SMAD6: variants seen among roughly 807,000 people sequenced by gnomAD.
SMAD6 encodes MAD homolog 6.
SMAD6 carries 103 observed loss-of-function variants against 39.4 expected under a neutral mutation model. The observed-to-expected ratio is 2.62, with a 90% CI of 2.23 to 3.08. The LOEUF (loss-of-function observed/expected upper bound fraction) is 3.08, where lower values mean the gene tolerates loss of function less well. Among genes scored for constraint, SMAD6 ranks in the 30% most tolerant of loss-of-function variants. The pLI is 0.00. For synonymous variants in SMAD6, 445 were observed against 353.3 expected (o/e 1.26, Z -2.91); for missense variants, 1,104 against 742.9 (o/e 1.49, Z -5.65).
intron 3 of SMAD6, among the ~76,000 whole-genome samples, chr15:66,738,330 T>G (rs1237623198): frequency 6.6e-6 from 1 of 151,992 alleles, no homozygotes; most frequent in Non-Finnish European, 1.5e-5. Flanking sequence ...GTGCAGCGGG[T>G]GCATACTCCA....
chr15:66,741,158 C>G (rs1306304660), intron 3 of SMAD6: 1 of 152,246 alleles, frequency 6.6e-6, no homozygotes, highest in Non-Finnish European at 1.5e-5. Flanking sequence ...TCTTCTCTGG[C>G]CTTCTGGTTT....
At chr15:66,768,138 A>AT (rs1476719041) in intron 3 of SMAD6, among the ~76,000 whole-genome samples, 1 of 151,518 alleles carries the variant, frequency 6.6e-6, no homozygotes. Flanking sequence ...TGTCTGGATA[A>AT]TTTTTTATTT....
intron 3 of SMAD6, among the ~76,000 whole-genome samples, chr15:66,754,950 G>A (rs898408122): frequency 5.3e-5 from 8 of 152,130 alleles, no homozygotes; most frequent in Non-Finnish European, 1.0e-4. Context: ...CTGAGGGATA[G>A]GCTGCTTTAT....
Position 66,780,987 on chromosome 15 carries a change from T to C in SMAD6, c.953-10T>C. 1 of 1,552,628 alleles carries C rather than the reference T, an allele frequency of 6.4e-7. No individual in the cohort carries two copies. The highest frequency in any genetic ancestry group is 1.2e-5 in the South Asian group (1 of 85,870). On this transcript the variant is annotated splice_polypyrimidine_tract_variant and intron_variant, in intron 3 of 3. Coordinates refer to ENST00000288840, the MANE Select transcript of SMAD6 (RefSeq NM_005585.5). The stretch of plus-strand genomic sequence containing the variant: ...AGAATAACGCGGCGGTCCCTGTGCT[T>C]GTCCCGCAGACGCCAGCATGTCTCC...
At position 66,735,414 on chromosome 15, in the gene SMAD6, A is replaced by C. The variant is rs112607728; in HGVS notation, c.952+18916A>C. 6.4e-3 allele frequency among the ~76,000 whole-genome samples: 979 copies of C among 152,196 alleles called. 14 individuals are homozygous for C. The highest frequency in any genetic ancestry group is 0.022 in the African/African-American group (933 of 41,520). On this transcript the variant is annotated intron_variant, in intron 3 of 3. Coordinates refer to ENST00000288840, the MANE Select transcript of SMAD6 (RefSeq NM_005585.5). Reference sequence around the variant, plus strand: ...GATGCATCATGAAGGATGTAGGGGGAAATGATGTGAGGTCCTTCAGCCAAA... The same window carrying C: ...GATGCATCATGAAGGATGTAGGGGGCAATGATGTGAGGTCCTTCAGCCAAA...
At chr15:66,735,950 G>C (rs554273085) in intron 3 of SMAD6, among the ~76,000 whole-genome samples, 1 of 152,336 alleles carries the variant, frequency 6.6e-6, no homozygotes, top group East Asian at 1.9e-4. Flanking sequence ...CACGGTATCC[G>C]CGACATGGGT....
Position 66,703,929 on chromosome 15 carries a change from T to C in SMAD6, c.671T>C (p.Leu224Pro). 1 of 1,342,610 alleles carries C rather than the reference T, an allele frequency of 7.4e-7. No homozygotes were observed. 83.2% of individuals were successfully genotyped at this position (1,342,610 alleles called of 1,614,324 possible). A position where few individuals can be genotyped will look rare whatever the true frequency, so the allele number is the denominator to read the frequency against. Reference sequence around the variant, plus strand: ...GGCGGCCAGCCCGCGCCGCCGCAGCTGCTGCTCGGCCGCCTCTTTCGCTGG... The same window carrying C: ...GGCGGCCAGCCCGCGCCGCCGCAGCCGCTGCTCGGCCGCCTCTTTCGCTGG... ...RLGGQPAPPQ[L>P]LLGRLFRWPD... Residue 224 changes from leucine to proline, a missense_variant, in exon 1 of 4, where the codon CTG becomes CCG. Transcript: ENST00000288840.
At position 66,711,674 on chromosome 15, in the gene SMAD6, C is replaced by A. The variant is rs759668190; in HGVS notation, c.824C>A (p.Pro275Gln). The A allele has an allele frequency of 6.2e-7, 1 of 1,613,808 alleles. No individual in the cohort carries two copies. The highest frequency in any genetic ancestry group is 8.5e-7 in the Non-Finnish European group (1 of 1,179,714). Residue 275 changes from proline to glutamine, a missense_variant, in exon 2 of 4, where the codon CCG becomes CAG. Coordinates refer to ENST00000288840, the MANE Select transcript of SMAD6 (RefSeq NM_005585.5). ...HFSRLCGPES[P>Q]PPPYSRLSPR... ...GCTGTCTCCTGTCTTCCAGAATCTCCGCCACCTCCCTACTCTCGGCTGTCT... is the reference window on the plus strand; with the variant it reads ...GCTGTCTCCTGTCTTCCAGAATCTCAGCCACCTCCCTACTCTCGGCTGTCT...
At chr15:66,772,175 A>C (rs1294960149) in intron 3 of SMAD6, among the ~76,000 whole-genome samples, 1 of 152,218 alleles carries the variant, frequency 6.6e-6, no homozygotes, top group African/African-American at 2.4e-5. Context: ...CACAGGTTGC[A>C]GCCACAGGAG....
At chr15:66,709,216 A>G (rs1318979701) in intron 1 of SMAD6, among the ~76,000 whole-genome samples, 1 of 152,238 alleles carries the variant, frequency 6.6e-6, no homozygotes, top group Non-Finnish European at 1.5e-5. Flanking sequence ...TGCAGTTGTT[A>G]AACAGTTGTG....
At chr15:66,708,008 G>A (rs565031084) in intron 1 of SMAD6, 1 of 152,344 alleles carries the variant, frequency 6.6e-6, no homozygotes, top group Non-Finnish European at 1.5e-5. Flanking sequence ...CCAGAGGCAT[G>A]CCTGGGCTGA....
At position 66,781,386 on chromosome 15, in the gene SMAD6, C is replaced by A. The variant is rs1253022608; in HGVS notation, c.1342C>A (p.His448Asn). 1 of 1,601,938 alleles carries A rather than the reference C, an allele frequency of 6.2e-7. No individual in the cohort carries two copies. Among genetic ancestry groups the A allele is most frequent in the Non-Finnish European group, 8.5e-7 (1 of 1,177,644 alleles). ...CGACTTCGAGCGCTCGGGCCTGCAG[C>A]ACGCGCCCGAGCCCGACGCCGCCGA... ...VFDFERSGLQHAPEPDAADGP... is the reference protein window; with the variant it reads ...VFDFERSGLQNAPEPDAADGP... The change falls in exon 4 of 4, where the codon CAC becomes AAC. Residue 448 changes from histidine to asparagine, a missense_variant. Transcript: ENST00000288840.
intron 3 of SMAD6, among the ~76,000 whole-genome samples, chr15:66,749,978 G>T (rs955543766): frequency 6.6e-6 from 1 of 152,180 alleles, no homozygotes; most frequent in Non-Finnish European, 1.5e-5. Flanking sequence ...CCCTGGCGAG[G>T]TTTTGTCCTT....
rs767030095 is a variant in SMAD6, at chr15:66,781,560, G to C, written c.*25G>C. 2 of 1,459,338 alleles carry C rather than the reference G, an allele frequency of 1.4e-6. No individual in the cohort carries two copies. The highest frequency in any genetic ancestry group is 1.4e-5 in the South Asian group (1 of 72,242). The allele number at this position is 1,459,338 out of a possible 1,614,324, so 90.4% of individuals were successfully genotyped here. On this transcript the variant is annotated 3_prime_UTR_variant, in exon 4 of 4. Transcript: ENST00000288840. ...GTGGCGGCCCCGGCGGGAGGGGCGG[G>C]TGGGAGGCCGCGGCCACCGCCACCT...
intron 3 of SMAD6, among the ~76,000 whole-genome samples, chr15:66,753,777 C>A (rs1007994832): frequency 1.3e-5 from 2 of 152,158 alleles, no homozygotes; most frequent in Non-Finnish European, 2.9e-5. Flanking sequence ...CTTCATCACT[C>A]TTTTGGAGAT....
chr15:66,770,476 A>G (rs1345797789), intron 3 of SMAD6, among the ~76,000 whole-genome samples: 1 of 152,094 alleles, frequency 6.6e-6, no homozygotes, highest in African/African-American at 2.4e-5. Context: ...CCACCTGGGG[A>G]CCGAGGTACC....
At chr15:66,710,894 GC>G in intron 1 of SMAD6, among the ~76,000 whole-genome samples, 1 of 152,194 alleles carries the variant, frequency 6.6e-6, no homozygotes, top group Non-Finnish European at 1.5e-5. Flanking sequence ...GAGGCCAACA[GC>G]TGGAAGTGAC....
chr15:66,703,386 C>CT lies in SMAD6; in HGVS notation c.129dup (p.Glu44Ter). ...GAGGATGGGAGCTTGGGCAGCCGAGCTGAGCCGGCCCCGCGGGCAAGAGAG... is the reference window on the plus strand; with the variant it reads ...GAGGATGGGAGCTTGGGCAGCCGAGCTTGAGCCGGCCCCGCGGGCAAGAGAG... On this transcript the variant is annotated frameshift_variant, in exon 1 of 4. Transcript: ENST00000288840. LOFTEE classifies it high-confidence loss of function. The CT allele has an allele frequency of 7.0e-7, 1 of 1,430,266 alleles. No homozygotes were observed. Among genetic ancestry groups the CT allele is most frequent in the Non-Finnish European group, 9.2e-7 (1 of 1,091,680 alleles). 88.6% of individuals were successfully genotyped at this position (1,430,266 alleles called of 1,614,324 possible). A position where few individuals can be genotyped will look rare whatever the true frequency, so the allele number is the denominator to read the frequency against.
intron 1 of SMAD6, among the ~76,000 whole-genome samples, chr15:66,710,485 T>C (rs1893206927): frequency 6.6e-6 from 1 of 152,188 alleles, no homozygotes; most frequent in Non-Finnish European, 1.5e-5. Context: ...TGAGGCCTCA[T>C]TGGGTGTATG....
Sources: allele counts gnomAD v4.1 joint callset (sites outside exome capture counted in the v4.1 genomes callset), GRCh38; gene constraint gnomAD v4.1.1; transcripts MANE v1.5; gene names NCBI Gene and HGNC (gene_info 2026-07-23, HGNC 2026-07-21).